The following CNTN1 variants were observed in gnomAD, a reference collection of about 807,000 sequenced individuals.
CNTN1 encodes contactin-1.
Under a neutral mutation model 126.4 loss-of-function variants are expected in CNTN1, and 38 were observed. That is an observed-to-expected ratio of 0.30 (90% CI 0.23 to 0.39). The LOEUF (loss-of-function observed/expected upper bound fraction) is 0.39, where lower values mean the gene tolerates loss of function less well. Among genes scored for constraint, CNTN1 ranks in the 10% least tolerant of loss-of-function variants. The pLI, the probability that CNTN1 is intolerant of heterozygous loss-of-function variation, is 1.00. For missense variants in CNTN1, 1,009 were observed against 1,248.4 expected (o/e 0.81, Z 2.89); for synonymous variants, 413 against 422.6 (o/e 0.98, Z 0.28).
At chr12:40,835,799 TACACACACACACACACAC>T (rs10556497) in intron 1 of CNTN1, among the ~76,000 whole-genome samples, 11 of 142,530 alleles carry the variant, frequency 7.7e-5, no homozygotes, top group African/African-American at 2.3e-4. Flanking sequence ...ATGCTATTTA[TACACACACACACACACAC>T]ACACACACAC....
At chr12:40,917,839 C>T (rs1215597734) in intron 3 of CNTN1, among the ~76,000 whole-genome samples, 1 of 152,140 alleles carries the variant, frequency 6.6e-6, no homozygotes, top group Non-Finnish European at 1.5e-5. Flanking sequence ...AACTGCTTCT[C>T]AACACGGCTG....
chr12:40,952,935 C>T (rs1398861658), intron 14 of CNTN1, among the ~76,000 whole-genome samples: 1 of 152,006 alleles, frequency 6.6e-6, no homozygotes, highest in East Asian at 1.9e-4. Flanking sequence ...TATATCTCTC[C>T]CTTTACTCTG....
At chr12:40,795,428 A>G (rs1242803581) in intron 1 of CNTN1, among the ~76,000 whole-genome samples, 2 of 151,382 alleles carry the variant, frequency 1.3e-5, no homozygotes, top group African/African-American at 4.9e-5. Flanking sequence ...GAATCTATAC[A>G]TTTAACAGAA....
chr12:40,861,218 T>A (rs762493157), intron 1 of CNTN1, among the ~76,000 whole-genome samples: 7 of 152,136 alleles, frequency 4.6e-5, no homozygotes, highest in Non-Finnish European at 8.8e-5. Context: ...CCATGTTAAG[T>A]TTTTTTCTCT....
intron 3 of CNTN1, among the ~76,000 whole-genome samples, chr12:40,911,062 G>T (rs370529921): frequency 6.6e-6 from 1 of 152,046 alleles, no homozygotes. Context: ...GGCAGGAGGC[G>T]AAAGGCACTT....
chr12:41,033,824 G>T (rs904660787), intron 23 of CNTN1, among the ~76,000 whole-genome samples: 3 of 151,212 alleles, frequency 2.0e-5, no homozygotes, highest in Non-Finnish European at 4.4e-5. Flanking sequence ...GGATCGCGAG[G>T]TCAGGAGATT....
chr12:40,755,132 A>G (rs1938548057), intron 1 of CNTN1, among the ~76,000 whole-genome samples: 1 of 138,776 alleles, frequency 7.2e-6, no homozygotes, highest in South Asian at 2.4e-4. Flanking sequence ...TTGAAGCTGC[A>G]GTGAACCATG....
At chr12:40,755,671 G>A (rs911281945) in intron 1 of CNTN1, among the ~76,000 whole-genome samples, 2 of 152,020 alleles carry the variant, frequency 1.3e-5, no homozygotes, top group Admixed American at 6.6e-5. Context: ...GATTGTACCA[G>A]TGCATTTAAA....
intron 1 of CNTN1, among the ~76,000 whole-genome samples, chr12:40,785,255 C>T (rs1009353340): frequency 2.0e-4 from 30 of 152,062 alleles, no homozygotes; most frequent in African/African-American, 7.0e-4. Context: ...TTTAATTGGC[C>T]CATGGTTCTG....
At chr12:40,826,266 A>G (rs1399582863) in intron 1 of CNTN1, among the ~76,000 whole-genome samples, 1 of 152,152 alleles carries the variant, frequency 6.6e-6, no homozygotes, top group Non-Finnish European at 1.5e-5. Context: ...TCTATATATG[A>G]TTAAATTGAT....
chr12:40,915,459 T>C (rs1222917637), intron 3 of CNTN1, among the ~76,000 whole-genome samples: 2 of 152,134 alleles, frequency 1.3e-5, no homozygotes, highest in Non-Finnish European at 1.5e-5. Flanking sequence ...ACATTGGAAG[T>C]ACAATTGTGT....
intron 1 of CNTN1, among the ~76,000 whole-genome samples, chr12:40,888,863 C>T (rs1208143281): frequency 6.6e-6 from 1 of 152,174 alleles, no homozygotes; most frequent in Non-Finnish European, 1.5e-5. Context: ...GAGATCCTTT[C>T]CCCTGATTTA....
intron 3 of CNTN1, 83 bp downstream of exon 3, chr12:40,910,188 C>G (rs1434302625): frequency 1.8e-6 from 2 of 1,128,530 alleles, no homozygotes; most frequent in Non-Finnish European, 2.7e-6. Context: ...TATTAACTCT[C>G]TAAACTTTAA....
chr12:41,070,461 G>C lies in CNTN1; in HGVS notation c.*426G>C, dbSNP rs564019177. 1 of 254,364 alleles carries C rather than the reference G, an allele frequency of 3.9e-6. No individual in the cohort carries two copies. The highest frequency in any genetic ancestry group is 5.1e-5 in the Admixed American group (1 of 19,762). 15.8% of individuals were successfully genotyped at this position (254,364 alleles called of 1,614,324 possible). ...TGTTGGTTGTATGTGGTAAATGTAA[G>C]AGTAATACAGTCTCTTGTACTTTCC... On this transcript the variant is annotated 3_prime_UTR_variant, in exon 24 of 24. Coordinates refer to ENST00000551295, the MANE Select transcript of CNTN1 (RefSeq NM_001843.4).
At chr12:40,935,975 A>G (rs1043545096) in intron 9 of CNTN1, among the ~76,000 whole-genome samples, 15 of 152,086 alleles carry the variant, frequency 9.9e-5, no homozygotes, top group Admixed American at 2.6e-4. Context: ...AGAAAATTAA[A>G]TATTATTCTC....
chr12:40,827,789 A>G (rs1308596304), intron 1 of CNTN1, among the ~76,000 whole-genome samples: 3 of 152,024 alleles, frequency 2.0e-5, no homozygotes, highest in African/African-American at 7.2e-5. Flanking sequence ...TGGAGCTCCA[A>G]TTGTCTTGGT....
At chr12:40,726,180 G>A (rs1258505178) in intron 1 of CNTN1, among the ~76,000 whole-genome samples, 1 of 152,104 alleles carries the variant, frequency 6.6e-6, no homozygotes, top group Non-Finnish European at 1.5e-5. Flanking sequence ...TATTATTGCT[G>A]ATGTGGTAAA....
At chr12:41,018,517 CATA>C (rs1374283730) in intron 19 of CNTN1, among the ~76,000 whole-genome samples, 1 of 151,764 alleles carries the variant, frequency 6.6e-6, no homozygotes, top group Non-Finnish European at 1.5e-5. Flanking sequence ...ATATGTATGT[CATA>C]ATACCATGTC....
chr12:40,794,507 A>G lies in CNTN1; in HGVS notation c.-77+101915A>G, dbSNP rs117636010. On this transcript the variant is annotated intron_variant, in intron 1 of 23. Coordinates refer to ENST00000551295, the MANE Select transcript of CNTN1 (RefSeq NM_001843.4). ...ATGAAACTGAACAAATCATATCATC[A>G]CTAAAAATATGTTCACCTGATATTT... Among the ~76,000 whole-genome samples, 1,009 of 152,098 alleles carry G rather than the reference A, an allele frequency of 6.6e-3. 6 individuals are homozygous for G. Among genetic ancestry groups the G allele is most frequent in the Middle Eastern group, 0.024 (7 of 294 alleles).
Sources: allele counts gnomAD v4.1 joint callset (sites outside exome capture counted in the v4.1 genomes callset), GRCh38; gene constraint gnomAD v4.1.1; transcripts MANE v1.5; gene names NCBI Gene and HGNC (gene_info 2026-07-23, HGNC 2026-07-21).